Variants in MICAL3 observed in about 807,000 individuals in gnomAD.
MICAL3 encodes microtubule associated monooxygenase, calponin and LIM domain containing 3, also known as [F-actin]-monooxygenase MICAL3.
Under a neutral mutation model 207.4 loss-of-function variants are expected in MICAL3, and 62 were observed. The ratio of observed to expected loss-of-function variants is 0.30; its 90% CI spans 0.24 to 0.37. MICAL3 has a LOEUF of 0.37. Among genes scored for constraint, MICAL3 ranks in the 10% least tolerant of loss-of-function variants. The pLI, the probability that MICAL3 is intolerant of heterozygous loss-of-function variation, is 1.00. For missense variants in MICAL3, 2,368 were observed against 2,635.6 expected (o/e 0.90, Z 2.22); for synonymous variants, 1,077 against 1,069.3 (o/e 1.01, Z -0.14).
intron 1 of MICAL3, among the ~76,000 whole-genome samples, chr22:17,911,166 G>A (rs1932117056): frequency 6.6e-6 from 1 of 152,170 alleles, no homozygotes; most frequent in Non-Finnish European, 1.5e-5. Flanking sequence ...TGGCACTGCA[G>A]AGACGGCCTC....
In MICAL3 at chr22:17,795,750, C is replaced by T. The variant is rs553832583; in HGVS notation, c.5651-4449G>A. Among the ~76,000 whole-genome samples, 273 of 152,318 alleles carry T rather than the reference C, an allele frequency of 1.8e-3. 1 individual carries two copies. The highest frequency in any genetic ancestry group is 6.3e-3 in the African/African-American group (261 of 41,556). On this transcript the variant is annotated intron_variant, in intron 29 of 31. Coordinates refer to ENST00000441493, the MANE Select transcript of MICAL3 (RefSeq NM_015241.3). ...GCCGCTACCTTCGGACTTCCCTGTA[C>T]GCTCCACACTTCCACAACGGGCGAG...
intron 1 of MICAL3, among the ~76,000 whole-genome samples, chr22:17,992,534 CT>C (rs1921798658): frequency 6.6e-6 from 1 of 152,124 alleles, no homozygotes; most frequent in South Asian, 2.1e-4. Context: ...CCACGTGGCA[CT>C]TACATACAAC....
chr22:17,859,563 A>C (rs1009351184), intron 19 of MICAL3, among the ~76,000 whole-genome samples: 1 of 152,264 alleles, frequency 6.6e-6, no homozygotes, highest in African/African-American at 2.4e-5. Flanking sequence ...AGGGCCAAAA[A>C]GAATCAGATA....
At chr22:17,856,532 C>T (rs1165959040) in intron 19 of MICAL3, among the ~76,000 whole-genome samples, 1 of 151,792 alleles carries the variant, frequency 6.6e-6, no homozygotes, top group Non-Finnish European at 1.5e-5. Flanking sequence ...CCCAAGAAGG[C>T]TGAACTGGCC....
Position 17,818,419 on chromosome 22 carries a change from G to T in MICAL3, c.4242C>A (p.Ser1414Arg). The T allele has an allele frequency of 2.5e-6, 4 of 1,612,214 alleles. No homozygotes were observed. The highest frequency in any genetic ancestry group is 3.4e-6 in the Non-Finnish European group (4 of 1,179,864). ...ACAGCTCCCTGCGCTCCTCCTGGGC[G>T]CTGCGTAGCTCTCTGTCGGACGGGG... ...PRSPSDRELR[S>R]AQEERRELSS... The change falls in exon 26 of 32, where the codon AGC becomes AGA. Residue 1414 changes from serine to arginine, a missense_variant. Physicochemically the swap from Ser to Arg is moderately radical, Grantham distance 110. Coordinates refer to ENST00000441493, the MANE Select transcript of MICAL3 (RefSeq NM_015241.3).
rs1239480107 is a variant in MICAL3 at position 17,926,312 on chromosome 22, G to A, written c.-74-19426C>T. Among the ~76,000 whole-genome samples, 5 of 152,334 alleles carry A rather than the reference G, an allele frequency of 3.3e-5. No homozygotes were observed. The East Asian group carries it at 9.6e-4, about 29-fold the overall frequency. ...GGCTTGGAAAAGGAATATCCCAGGG[G>A]AGAAGCGTGAATCTGTAGAGTAACC... On this transcript the variant is annotated intron_variant, in intron 1 of 31. Transcript: ENST00000441493.
intron 1 of MICAL3, among the ~76,000 whole-genome samples, chr22:17,967,486 A>C (rs5992927): frequency 0.05 from 7,239 of 145,684 alleles, 500 homozygotes; most frequent in African/African-American, 0.16. Context: ...ACACACACAC[A>C]CACACACCCA....
intron 1 of MICAL3, among the ~76,000 whole-genome samples, chr22:17,990,924 C>T (rs1346933440): frequency 6.6e-6 from 1 of 152,210 alleles, no homozygotes; most frequent in Non-Finnish European, 1.5e-5. Context: ...GATCTATATG[C>T]CCTGCTGGAT....
intron 1 of MICAL3, among the ~76,000 whole-genome samples, chr22:17,984,923 GGCC>G (rs1410152053): frequency 2.0e-5 from 3 of 152,108 alleles, no homozygotes; most frequent in African/African-American, 7.2e-5. Flanking sequence ...CCAGAGCCCA[GGCC>G]CTCCACCTCT....
At chr22:18,008,364 C>T (rs867298912) in intron 1 of MICAL3, among the ~76,000 whole-genome samples, 6 of 152,240 alleles carry the variant, frequency 3.9e-5, no homozygotes, top group Non-Finnish European at 7.3e-5. Context: ...TTTAAGCAAT[C>T]TCCAGGGAAA....
At chr22:17,888,747 A>C (rs1355326271) in intron 13 of MICAL3, among the ~76,000 whole-genome samples, 2 of 152,254 alleles carry the variant, frequency 1.3e-5, no homozygotes, top group African/African-American at 4.8e-5. Flanking sequence ...GCTGGCTCTG[A>C]GAGCACGAGC....
Position 17,887,185 on chromosome 22 carries a change from G to T in MICAL3, c.2052C>A (p.Thr684=). 1.2e-6 allele frequency: 2 copies of T among 1,613,446 alleles called. No homozygotes were observed. Among genetic ancestry groups the T allele is most frequent in the Non-Finnish European group, 1.7e-6 (2 of 1,179,648 alleles). The change falls in exon 15 of 32, where the codon ACC becomes ACA. Residue 684 remains threonine (T), a synonymous_variant. Coordinates refer to ENST00000441493, the MANE Select transcript of MICAL3 (RefSeq NM_015241.3). ...DLDGAGKRRK[T]SQSEEEEAPR... ...TGAATCTCACCTCCTCTGATTGACT[G>T]GTCTTTCTCCTCTTCCCAGCACCAT...
Position 17,810,736 on chromosome 22 carries a change from C to T in MICAL3, c.5523G>A (p.Lys1841=), listed in dbSNP as rs61739631. 0.015 allele frequency: 23,574 copies of T among 1,613,972 alleles called. 214 individuals are homozygous for T. Among genetic ancestry groups the T allele is most frequent in the Non-Finnish European group, 0.017 (20,617 of 1,179,856 alleles). The change falls in exon 28 of 32, where the codon AAG becomes AAA. Residue 1841 remains lysine, a synonymous_variant. Transcript: ENST00000441493. Reference sequence around the variant, plus strand: ...GATGCAGCCGCTTAAGCTCCTCCTGCTTGGCCTGTCTCCGAGCTGCCTTTT... The same window carrying T: ...GATGCAGCCGCTTAAGCTCCTCCTGTTTGGCCTGTCTCCGAGCTGCCTTTT... ...RVQKAARRQA[K]QEELKRLHRA...
intron 20 of MICAL3, among the ~76,000 whole-genome samples, chr22:17,833,357 G>C (rs1321611046): frequency 6.6e-6 from 1 of 152,204 alleles, no homozygotes; most frequent in African/African-American, 2.4e-5. Flanking sequence ...TAAAGCCATG[G>C]CCCGACCTCT....
intron 19 of MICAL3, chr22:17,861,265 T>G: frequency 3.0e-6 from 3 of 985,438 alleles, no homozygotes; most frequent in Non-Finnish European, 3.6e-6. Context: ...CCATTCAGGA[T>G]CCGAACTATG....
intron 1 of MICAL3, among the ~76,000 whole-genome samples, chr22:17,980,207 A>G (rs1167419285): frequency 6.6e-6 from 1 of 152,194 alleles, no homozygotes; most frequent in Non-Finnish European, 1.5e-5. Context: ...CCTCTCTAGC[A>G]GTCTGGCTAG....
In MICAL3 at chr22:17,789,639, C is replaced by T. The variant is rs1487449726; in HGVS notation, c.*1093G>A. The stretch of plus-strand genomic sequence containing the variant: ...TTCTGGGCAGCTCCCTGATGCCAGC[C>T]AGGCCAGTGATACGAAGAGAAAGGC... On this transcript the variant is annotated 3_prime_UTR_variant, in exon 32 of 32. Transcript: ENST00000441493. 12 of 152,298 alleles carry T rather than the reference C, an allele frequency of 7.9e-5. No individual in the cohort carries two copies. Among genetic ancestry groups the T allele is most frequent in the Admixed American group, 7.8e-4 (12 of 15,290 alleles). The allele number at this position is 152,298 out of a possible 1,614,324, so 9.4% of individuals were successfully genotyped here.
At position 17,983,982 on chromosome 22, in the gene MICAL3, G is replaced by A. The variant is rs149376911; in HGVS notation, c.-75+40299C>T. 7.2e-5 allele frequency among the ~76,000 whole-genome samples: 11 copies of A among 152,296 alleles called. No individual in the cohort carries two copies. In the East Asian group the frequency reaches 1.5e-3, roughly 21 times the overall value. ...TAAATGGGGCAAAACGCAAATCATCGTGACTCTAGGTGAAGGGTAAATAGG... is the reference window on the plus strand; with the variant it reads ...TAAATGGGGCAAAACGCAAATCATCATGACTCTAGGTGAAGGGTAAATAGG... On this transcript the variant is annotated intron_variant, in intron 1 of 31. Transcript: ENST00000441493.
intron 1 of MICAL3, among the ~76,000 whole-genome samples, chr22:18,014,741 C>T (rs1056665889): frequency 6.6e-6 from 1 of 152,158 alleles, no homozygotes; most frequent in Non-Finnish European, 1.5e-5. Context: ...TGCCTGTAAT[C>T]CCAGCAATTT....
Sources: gnomAD v4.1 joint callset for allele counts (sites outside exome capture counted in the v4.1 genomes callset) on GRCh38, gnomAD v4.1.1 for gene constraint, MANE v1.5 for transcripts, NCBI Gene and HGNC (gene_info 2026-07-23, HGNC 2026-07-21) for gene names.